MSH4: variants seen among roughly 807,000 people sequenced by gnomAD.
MSH4 encodes mutS protein homolog 4.
In MSH4, 106 loss-of-function variants were observed where a neutral mutation model predicts 113.7. The observed-to-expected ratio is 0.93, with a 90% CI of 0.80 to 1.10. The LOEUF (loss-of-function observed/expected upper bound fraction) is 1.10, where lower values mean the gene tolerates loss of function less well. Among genes scored for constraint, MSH4 ranks in the 50% least tolerant of loss-of-function variants. The pLI is 0.00. For missense variants in MSH4, 1,061 were observed against 1,093.7 expected, an observed-to-expected ratio of 0.97 and a Z score of 0.42; for synonymous variants, 368 against 380.2, an observed-to-expected ratio of 0.97 and a Z score of 0.37.
At position 75,803,823 on chromosome 1, in the gene MSH4, AAT is replaced by A; in HGVS notation, c.338_339del (p.Asn113IlefsTer6). 1.2e-6 allele frequency: 2 copies of A among 1,605,570 alleles called. No individual in the cohort carries two copies. Among genetic ancestry groups the A allele is most frequent in the Non-Finnish European group, 1.7e-6 (2 of 1,176,358 alleles). On this transcript the variant is annotated frameshift_variant, in exon 2 of 20. Coordinates refer to ENST00000263187, the MANE Select transcript of MSH4 (RefSeq NM_002440.4). LOFTEE classifies it high-confidence loss of function. ...AAGCTCATCTTCTGCACGAGATACTAATTATCCTCAAACACTTAAAACTCCAT... is the reference window on the plus strand; with the variant it reads ...AAGCTCATCTTCTGCACGAGATACTATATCCTCAAACACTTAAAACTCCAT... ...GASSSSARDT[N>X]YPQTLKTPLS...
At chr1:75,804,761 G>T (rs918733843) in intron 2 of MSH4, among the ~76,000 whole-genome samples, 16 of 151,674 alleles carry the variant, frequency 1.1e-4, no homozygotes, top group African/African-American at 3.9e-4. Flanking sequence ...CACCCACCTT[G>T]GCTCCCAAAG....
chr1:75,884,317 A>G (rs2100575063), intron 15 of MSH4, among the ~76,000 whole-genome samples: 1 of 152,228 alleles, frequency 6.6e-6, no homozygotes, highest in South Asian at 2.1e-4. Flanking sequence ...ACATGTGCAT[A>G]CATGCATCTA....
At chr1:75,907,480 T>C (rs887695301) in intron 19 of MSH4, among the ~76,000 whole-genome samples, 17 of 151,916 alleles carry the variant, frequency 1.1e-4, no homozygotes, top group Non-Finnish European at 2.2e-4. Flanking sequence ...ATCATTTGGC[T>C]TGTCTTATTT....
intron 6 of MSH4, among the ~76,000 whole-genome samples, chr1:75,819,123 G>A (rs1229536929): frequency 6.6e-6 from 1 of 151,960 alleles, no homozygotes; most frequent in Non-Finnish European, 1.5e-5. Context: ...ATATGATTAT[G>A]TGTTTATTGT....
Position 75,835,612 on chromosome 1 carries a change from TTGCACTTATCTCC to T in MSH4, c.1163-12594_1163-12582del, listed in dbSNP as rs558947741. Among the ~76,000 whole-genome samples the T allele has an allele frequency of 1.1e-4, 16 of 152,316 alleles. No homozygotes were observed. The East Asian group carries it at 3.1e-3, about 29-fold the overall frequency. On this transcript the variant is annotated intron_variant, in intron 7 of 19. Transcript: ENST00000263187. ...TCCATCTGTTCCCTGGATCCCATCC[TTGCACTTATCTCC>T]TGTATCTTCATTATTTTTCTCTCCA...
At chr1:75,853,013 G>A (rs1480703066) in intron 8 of MSH4, among the ~76,000 whole-genome samples, 1 of 152,040 alleles carries the variant, frequency 6.6e-6, no homozygotes, top group East Asian at 1.9e-4. Context: ...GAGCCTGCGT[G>A]ACTTTTTGTG....
chr1:75,891,621 T>G (rs1652256099), intron 17 of MSH4, among the ~76,000 whole-genome samples: 1 of 151,936 alleles, frequency 6.6e-6, no homozygotes, highest in African/African-American at 2.4e-5. Context: ...GCTTAGCTAA[T>G]TTTTGTATTT....
In MSH4 at chr1:75,913,146, A is replaced by G. The variant is rs2100602281; in HGVS notation, c.*259A>G. On this transcript the variant is annotated 3_prime_UTR_variant, in exon 20 of 20. Coordinates refer to ENST00000263187, the MANE Select transcript of MSH4 (RefSeq NM_002440.4). ...CTTTTTTCTCACAAAAATTCACATT[A>G]TTAAGACCTAAGTTCATTTATACTT... 1.5e-5 allele frequency: 3 copies of G among 194,976 alleles called. No homozygotes were observed. The East Asian group carries it at 3.5e-4, about 23-fold the overall frequency. 12.1% of individuals were successfully genotyped at this position (194,976 alleles called of 1,614,324 possible).
rs1051217554 is a variant in MSH4, at chr1:75,797,190, A to G, written c.205A>G (p.Ser69Gly). Residue 69 changes from serine to glycine, a missense_variant, in exon 1 of 20, where the codon AGC (serine) becomes GGC (glycine). Ser to Gly is a moderately conservative substitution (Grantham distance 56, BLOSUM62 0). Transcript: ENST00000263187. ...GGGCGACCGGAGCAGCAGCAGCAGC[A>G]GCCTTCCCTGCCCCGCGCCAAACTC... is the stretch of plus-strand genomic sequence containing the variant. The part of the protein sequence containing the change: ...AAGDRSSSSS[S>G]LPCPAPNSRP... 6.2e-7 allele frequency: 1 copy of G among 1,608,536 alleles called. No individual in the cohort carries two copies. Among genetic ancestry groups the G allele is most frequent in the Non-Finnish European group, 8.5e-7 (1 of 1,177,612 alleles).
intron 19 of MSH4, among the ~76,000 whole-genome samples, chr1:75,901,350 A>T (rs1336934672): frequency 6.6e-6 from 1 of 152,046 alleles, no homozygotes; most frequent in Admixed American, 6.6e-5. Context: ...ACCATCAATG[A>T]GCTCTTCACC....
chr1:75,804,308 T>C (rs1650008289), intron 2 of MSH4, among the ~76,000 whole-genome samples: 1 of 152,102 alleles, frequency 6.6e-6, no homozygotes, highest in Non-Finnish European at 1.5e-5. Flanking sequence ...AAATAGGTTT[T>C]CATGTATAAC....
At chr1:75,889,538 T>G (rs924662325) in intron 16 of MSH4, among the ~76,000 whole-genome samples, 169 bp downstream of exon 16, 1 of 152,118 alleles carries the variant, frequency 6.6e-6, no homozygotes, top group Non-Finnish European at 1.5e-5. Flanking sequence ...TATGTGGAAA[T>G]GGAAGACAAT....
chr1:75,905,654 C>T (rs541114372), intron 19 of MSH4, among the ~76,000 whole-genome samples: 8 of 152,208 alleles, frequency 5.3e-5, no homozygotes, highest in African/African-American at 1.7e-4. Context: ...ATGTTGAAGA[C>T]CCCTACTAGT....
At chr1:75,891,904 T>TAAGATTCC in intron 17 of MSH4, among the ~76,000 whole-genome samples, 1 of 152,354 alleles carries the variant, frequency 6.6e-6, no homozygotes, top group African/African-American at 2.4e-5. Context: ...ATATATTACT[T>TAAGATTCC]AAGATTAAAA....
chr1:75,833,343 G>A (rs1303896972), intron 7 of MSH4, among the ~76,000 whole-genome samples: 5 of 152,142 alleles, frequency 3.3e-5, no homozygotes, highest in Non-Finnish European at 5.9e-5. Flanking sequence ...TCAATATTGT[G>A]AAAATTGCCA....
At chr1:75,877,091 A>T in intron 10 of MSH4, 91 bp downstream of exon 10, 1 of 759,740 alleles carries the variant, frequency 1.3e-6, no homozygotes, top group Non-Finnish European at 2.0e-6. Context: ...TATTCTATGG[A>T]ACAATTACTT....
At position 75,810,702 on chromosome 1, in the gene MSH4, C is replaced by T. The variant is rs868785850; in HGVS notation, c.594C>T (p.Ile198=). The T allele has an allele frequency of 6.8e-7, 1 of 1,468,932 alleles. No homozygotes were observed. Among genetic ancestry groups the T allele is most frequent in the Non-Finnish European group, 9.3e-7 (1 of 1,081,066 alleles). The allele number at this position is 1,468,932 out of a possible 1,614,324, so 91.0% of individuals were successfully genotyped here. ...FADNTTYAKV[I]TKLKILSPLE... ...GTTTATTCAAATGATTTCAGGTGAT[C>T]ACTAAACTTAAAATTTTATCACCTT... Residue 198 remains isoleucine, a synonymous_variant, in exon 4 of 20, where the codon ATC becomes ATT. Transcript: ENST00000263187.
At chr1:75,903,819 A>AT (rs1275074198) in intron 19 of MSH4, among the ~76,000 whole-genome samples, 2 of 152,036 alleles carry the variant, frequency 1.3e-5, no homozygotes, top group African/African-American at 2.4e-5. Context: ...TAAAAAGGAT[A>AT]TTTTGACTTC....
At chr1:75,834,701 G>C (rs890368838) in intron 7 of MSH4, among the ~76,000 whole-genome samples, 1 of 152,168 alleles carries the variant, frequency 6.6e-6, no homozygotes, top group African/African-American at 2.4e-5. Flanking sequence ...AACACCGCAT[G>C]TTCTCACTCA....
Sources: allele counts gnomAD v4.1 joint callset (sites outside exome capture counted in the v4.1 genomes callset), GRCh38; gene constraint gnomAD v4.1.1; transcripts MANE v1.5; gene names NCBI Gene and HGNC (gene_info 2026-07-23, HGNC 2026-07-21).